AGTPBP1: variants seen among roughly 807,000 people sequenced by gnomAD.
The protein encoded by AGTPBP1 is ATP/GTP binding carboxypeptidase 1.
AGTPBP1 carries 70 observed loss-of-function variants against 143.9 expected under a neutral mutation model. That is an observed-to-expected ratio of 0.49 (90% CI 0.40 to 0.59). The LOEUF is 0.59. Among genes scored for constraint, AGTPBP1 ranks in the 20% least tolerant of loss-of-function variants. AGTPBP1 has a pLI of 0.00. For missense variants in AGTPBP1, 1,229 were observed against 1,464.5 expected (o/e 0.84, Z 2.62); for synonymous variants, 463 against 500.2 (o/e 0.93, Z 0.99).
rs1476680238 is a variant in AGTPBP1, at chr9:85,585,609, T to C, written c.3034-15A>G. On this transcript the variant is annotated splice_polypyrimidine_tract_variant and intron_variant, in intron 22 of 25. Coordinates refer to ENST00000357081, the MANE Select transcript of AGTPBP1 (RefSeq NM_001330701.2). Reference sequence around the variant, plus strand: ...TCACAATAAACCTTGAAAATATATATTTTAAAAATTAAAAGACTTCAAGTT... The same window carrying C: ...TCACAATAAACCTTGAAAATATATACTTTAAAAATTAAAAGACTTCAAGTT... 6.4e-7 allele frequency: 1 copy of C among 1,561,384 alleles called. No individual in the cohort carries two copies. The highest frequency in any genetic ancestry group is 1.2e-5 in the South Asian group (1 of 81,450).
At chr9:85,705,936 C>T (rs1204441227) in intron 2 of AGTPBP1, among the ~76,000 whole-genome samples, 5 of 151,784 alleles carry the variant, frequency 3.3e-5, no homozygotes, top group Admixed American at 2.0e-4. Flanking sequence ...GTGATCCGCC[C>T]GCCTCGGCCT....
the AGTPBP1 span, among the ~76,000 whole-genome samples, chr9:85,796,090 G>T: frequency 6.6e-6 from 1 of 151,962 alleles, no homozygotes; most frequent in Non-Finnish European, 1.5e-5. Flanking sequence ...TCCTTTCAAG[G>T]GAGGTCAAGG....
intron 11 of AGTPBP1, among the ~76,000 whole-genome samples, chr9:85,648,649 A>G (rs1362884838): frequency 6.6e-6 from 1 of 152,158 alleles, no homozygotes; most frequent in African/African-American, 2.4e-5. Flanking sequence ...CGTCTCTACT[A>G]AAAGTACAAA....
intron 4 of AGTPBP1, among the ~76,000 whole-genome samples, chr9:85,680,141 TACTC>T (rs1278997153): frequency 6.6e-6 from 1 of 152,248 alleles, no homozygotes; most frequent in Admixed American, 6.5e-5. Flanking sequence ...GTCTATCTAT[TACTC>T]ATGCATAATT....
At chr9:85,695,467 A>G (rs1380014318) in intron 2 of AGTPBP1, among the ~76,000 whole-genome samples, 1 of 152,178 alleles carries the variant, frequency 6.6e-6, no homozygotes, top group Non-Finnish European at 1.5e-5. Context: ...TACCATTGAC[A>G]CTGTGTGGAC....
intron 25 of AGTPBP1, among the ~76,000 whole-genome samples, chr9:85,570,865 G>A (rs1317918924): frequency 5.9e-5 from 9 of 152,164 alleles, no homozygotes; most frequent in South Asian, 4.1e-4. Context: ...GAAGGCATCC[G>A]AGAGAGAGCA....
chr9:85,752,470 ACC>A, the AGTPBP1 span, among the ~76,000 whole-genome samples: 1 of 152,198 alleles, frequency 6.6e-6, no homozygotes, highest in Admixed American at 6.5e-5. Context: ...GAAGAGAATA[ACC>A]CACTTATAAA....
intron 2 of AGTPBP1, among the ~76,000 whole-genome samples, chr9:85,702,988 G>T (rs1836768442): frequency 6.6e-6 from 1 of 152,040 alleles, no homozygotes; most frequent in South Asian, 2.1e-4. Context: ...ACAATTTAGG[G>T]TCCACCCTAA....
intron 13 of AGTPBP1, among the ~76,000 whole-genome samples, chr9:85,641,480 T>G (rs769976882): frequency 1.4e-4 from 21 of 152,176 alleles, no homozygotes; most frequent in Middle Eastern, 6.8e-3. Context: ...ACAAATACCT[T>G]CTCTTTCATT....
At chr9:85,638,350 G>T (rs1265265997) in intron 13 of AGTPBP1, among the ~76,000 whole-genome samples, 1 of 151,630 alleles carries the variant, frequency 6.6e-6, no homozygotes, top group African/African-American at 2.4e-5. Flanking sequence ...CAAAAAAGTT[G>T]ATTAAAATAA....
At chr9:85,672,733 T>A (rs759246505) in intron 6 of AGTPBP1, 52 bp from the exon 7 acceptor site, 8 of 152,198 alleles carry the variant, frequency 5.3e-5, no homozygotes, top group Non-Finnish European at 7.2e-5. Context: ...TTCTTTTTAA[T>A]TTTTTTTTTT....
chr9:85,758,131 T>C, the AGTPBP1 span, among the ~76,000 whole-genome samples: 1 of 152,192 alleles, frequency 6.6e-6, no homozygotes, highest in Non-Finnish European at 1.5e-5. Flanking sequence ...TATCTGCTTT[T>C]CGATACCTGA....
At chr9:85,785,410 G>T in the AGTPBP1 span, among the ~76,000 whole-genome samples, 6 of 152,084 alleles carry the variant, frequency 3.9e-5, no homozygotes, top group African/African-American at 1.4e-4. Flanking sequence ...GTTGAAGTTA[G>T]CATTTTTCAT....
At chr9:85,772,271 G>A in the AGTPBP1 span, among the ~76,000 whole-genome samples, 15 of 152,182 alleles carry the variant, frequency 9.9e-5, no homozygotes, top group African/African-American at 3.6e-4. Flanking sequence ...ACCGTGCCTG[G>A]CCCTTGTGCT....
rs746069901 is a variant in AGTPBP1, at chr9:85,585,457, A to C, written c.3165+6T>G. 9 of 1,583,286 alleles carry C rather than the reference A, an allele frequency of 5.7e-6. No homozygotes were observed. In the African/African-American group the frequency reaches 1.1e-4, roughly 19 times the overall value. On this transcript the variant is annotated splice_donor_region_variant and intron_variant, in intron 23 of 25. Coordinates refer to ENST00000357081, the MANE Select transcript of AGTPBP1 (RefSeq NM_001330701.2). ...CAAAAACTTATGAATCATCTGTAAT[A>C]ATTACCCTGTATCCCGTATCCTCCA... is the stretch of plus-strand genomic sequence containing the variant.
intron 14 of AGTPBP1, among the ~76,000 whole-genome samples, chr9:85,622,829 C>T (rs1831024547): frequency 6.6e-6 from 1 of 152,176 alleles, no homozygotes; most frequent in Non-Finnish European, 1.5e-5. Flanking sequence ...ATGGCACTTT[C>T]ACATACTCAA....
chr9:85,668,092 T>C (rs1354088771), intron 8 of AGTPBP1, among the ~76,000 whole-genome samples: 1 of 151,840 alleles, frequency 6.6e-6, no homozygotes, highest in African/African-American at 2.4e-5. Flanking sequence ...TAAAATACGC[T>C]AGGAAAAAAG....
At chr9:85,582,160 T>C (rs1338521101) in intron 23 of AGTPBP1, among the ~76,000 whole-genome samples, 1 of 152,194 alleles carries the variant, frequency 6.6e-6, no homozygotes, top group Non-Finnish European at 1.5e-5. Context: ...TAACCATAGT[T>C]CAGTATCAGA....
At chr9:85,636,525 G>C (rs955845468) in intron 13 of AGTPBP1, among the ~76,000 whole-genome samples, 1 of 151,996 alleles carries the variant, frequency 6.6e-6, no homozygotes, top group East Asian at 1.9e-4. Context: ...CCAAAGTGCT[G>C]GGATTACAGG....
Sources: gnomAD v4.1 joint callset for allele counts (sites outside exome capture counted in the v4.1 genomes callset) on GRCh38, gnomAD v4.1.1 for gene constraint, MANE v1.5 for transcripts, NCBI Gene and HGNC (gene_info 2026-07-23, HGNC 2026-07-21) for gene names.